WWP2: variants seen among roughly 807,000 people sequenced by gnomAD.
WWP2 encodes NEDD4-like E3 ubiquitin-protein ligase WWP2.
A neutral mutation model predicts 121.0 loss-of-function variants in WWP2; 57 were observed. That is an observed-to-expected ratio of 0.47 (90% confidence interval 0.38 to 0.59). The LOEUF (loss-of-function observed/expected upper bound fraction) is 0.59. WWP2 is among the 20% of genes least tolerant of loss of function. The pLI is 0.00. For missense variants in WWP2, 962 were observed against 1,158.9 expected (o/e 0.83, Z 2.47); for synonymous variants, 449 against 441.3 (o/e 1.02, Z -0.22).
At chr16:69,882,732 A>G (rs2057853699) in intron 7 of WWP2, among the ~76,000 whole-genome samples, 1 of 152,240 alleles carries the variant, frequency 6.6e-6, no homozygotes, top group African/African-American at 2.4e-5. Flanking sequence ...GAAGTAGTGA[A>G]AAATGCGGGA....
intron 8 of WWP2, among the ~76,000 whole-genome samples, chr16:69,902,124 C>T (rs1390218869): frequency 2.6e-5 from 4 of 152,240 alleles, no homozygotes; most frequent in South Asian, 2.1e-4. Flanking sequence ...ACTGTAACAA[C>T]GGGTAATTGA....
At chr16:69,931,991 A>G in intron 16 of WWP2, 101 bp downstream of exon 16, 1 of 1,161,598 alleles carries the variant, frequency 8.6e-7, no homozygotes, top group South Asian at 1.4e-5. Flanking sequence ...ATTCCCTCCC[A>G]AAGCTCTCAT....
intron 7 of WWP2, among the ~76,000 whole-genome samples, chr16:69,879,774 T>A (rs2057793142): frequency 1.3e-5 from 2 of 152,322 alleles, no homozygotes; most frequent in South Asian, 4.1e-4. Flanking sequence ...TAACATGTCA[T>A]GCCCATGCTA....
rs1233070559 is a variant in WWP2 at position 69,826,270 on chromosome 16, A to AAT, written c.341-13855_341-13854insTA. On this transcript the variant is annotated intron_variant, in intron 4 of 23. Coordinates refer to ENST00000359154, the MANE Select transcript of WWP2 (RefSeq NM_001270454.2). ...TGACAAGAGTGAAACTCCGTCTCAA[A>AAT]AAAAAAAAAAAAGTAGACCAGGCGC... 2.0e-5 allele frequency among the ~76,000 whole-genome samples: 3 copies of AAT among 147,310 alleles called. No homozygotes were observed. The Admixed American group carries it at 2.0e-4, about 10-fold the overall frequency.
intron 17 of WWP2, among the ~76,000 whole-genome samples, chr16:69,934,728 G>A (rs575174188): frequency 6.7e-6 from 1 of 150,282 alleles, no homozygotes; most frequent in African/African-American, 2.4e-5. Flanking sequence ...GCCCCCTCTT[G>A]ACAAGTCCTA....
chr16:69,809,772 G>C (rs2056352002), intron 4 of WWP2, among the ~76,000 whole-genome samples: 1 of 151,040 alleles, frequency 6.6e-6, no homozygotes, highest in Admixed American at 6.6e-5. Context: ...CCGTCAGAAA[G>C]AGAAAGAGAG....
rs377422202 is a variant in WWP2 at position 69,832,238 on chromosome 16, CA to C, written c.341-7887del. ...TGAAACATACACAGAGGTGGAAAAA[CA>C]GTCGATGAATCCCCACATGCCATTA... On this transcript the variant is annotated intron_variant, in intron 4 of 23. Transcript: ENST00000359154. Among the ~76,000 whole-genome samples, 79 of 152,248 alleles carry C rather than the reference CA, an allele frequency of 5.2e-4. 1 individual carries two copies. In the East Asian group the frequency reaches 0.014, roughly 27 times the overall value.
At chr16:69,797,555 T>C (rs2056073054) in intron 2 of WWP2, among the ~76,000 whole-genome samples, 1 of 152,126 alleles carries the variant, frequency 6.6e-6, no homozygotes, top group African/African-American at 2.4e-5. Context: ...TAATAAGTAC[T>C]CATAAAATCT....
intron 2 of WWP2, 59 bp downstream of exon 2, chr16:69,787,139 A>C: frequency 6.6e-7 from 1 of 1,505,780 alleles, no homozygotes; most frequent in African/African-American, 1.4e-5. Context: ...GGGAGAATCT[A>C]ACCACACCTT....
At chr16:69,828,069 CTT>C in intron 4 of WWP2, 1 of 314,578 alleles carries the variant, frequency 3.2e-6, no homozygotes, top group Non-Finnish European at 6.3e-6. Flanking sequence ...TGCATATGTA[CTT>C]TTTTTTTTAA....
chr16:69,821,797 A>G (rs2056597571), intron 4 of WWP2, among the ~76,000 whole-genome samples: 2 of 148,992 alleles, frequency 1.3e-5, no homozygotes, highest in South Asian at 2.1e-4. Context: ...GCCTCAAGCA[A>G]TCCTCCCATC....
chr16:69,797,616 C>T lies in WWP2; in HGVS notation c.71-1066C>T, dbSNP rs550787276. ...TTAAAATTTATAAATTGGCCAGGTG[C>T]GGTGGCTCACGCCTGTAATCCCAGC... is the stretch of plus-strand genomic sequence containing the variant. On this transcript the variant is annotated intron_variant, in intron 2 of 23. Coordinates refer to ENST00000359154, the MANE Select transcript of WWP2 (RefSeq NM_001270454.2). Among the ~76,000 whole-genome samples, 67 of 152,188 alleles carry T rather than the reference C, an allele frequency of 4.4e-4. 1 individual carries two copies. Among genetic ancestry groups the T allele is most frequent in the African/African-American group, 1.5e-3 (64 of 41,536 alleles).
intron 9 of WWP2, among the ~76,000 whole-genome samples, chr16:69,913,444 G>A (rs2058431177): frequency 6.6e-6 from 1 of 152,090 alleles, no homozygotes; most frequent in Non-Finnish European, 1.5e-5. Context: ...TGAGGCTGCA[G>A]TGAGCCGTGA....
chr16:69,812,398 C>G (rs2056409669), intron 4 of WWP2, among the ~76,000 whole-genome samples: 1 of 151,028 alleles, frequency 6.6e-6, no homozygotes, highest in African/African-American at 2.4e-5. Context: ...CTCTTGACCT[C>G]AGGTAACCTG....
intron 6 of WWP2, among the ~76,000 whole-genome samples, chr16:69,844,617 G>A (rs1672682363): frequency 6.6e-6 from 1 of 152,208 alleles, no homozygotes; most frequent in Admixed American, 6.5e-5. Flanking sequence ...TGTCATTGGT[G>A]TTGAGAATGA....
intron 4 of WWP2, among the ~76,000 whole-genome samples, chr16:69,823,464 CT>C (rs2056628830): frequency 6.6e-6 from 1 of 150,890 alleles, no homozygotes; most frequent in Non-Finnish European, 1.5e-5. Context: ...TAAATTTTCT[CT>C]TTTTCTTGTG....
At chr16:69,775,852 A>G (rs2055514955) in intron 1 of WWP2, among the ~76,000 whole-genome samples, 1 of 152,150 alleles carries the variant, frequency 6.6e-6, no homozygotes, top group Admixed American at 6.6e-5. Context: ...ATAGTCCATT[A>G]GTATTGTTAG....
In WWP2 at chr16:69,799,012, A is replaced by T; in HGVS notation, c.219-162A>T. 1 of 1,331,672 alleles carries T rather than the reference A, an allele frequency of 7.5e-7. No individual in the cohort carries two copies. The highest frequency in any genetic ancestry group is 1.0e-6 in the Non-Finnish European group (1 of 978,206). The allele number at this position is 1,331,672 out of a possible 1,614,324, so 82.5% of individuals were successfully genotyped here. On this transcript the variant is annotated intron_variant, in intron 3 of 23. Transcript: ENST00000359154. This position sits in a 1 kb window ranked among gnomAD's most constrained non-coding sequence, Gnocchi z 4.5. Reference sequence around the variant, plus strand: ...GCTCATAGAGCGTTCATTATTATCTAGAGGGTTACAGGGTCAGCTTTGAGA... The same window carrying T: ...GCTCATAGAGCGTTCATTATTATCTTGAGGGTTACAGGGTCAGCTTTGAGA...
intron 5 of WWP2, among the ~76,000 whole-genome samples, chr16:69,840,856 G>A (rs995427920): frequency 6.6e-6 from 1 of 152,202 alleles, no homozygotes; most frequent in Non-Finnish European, 1.5e-5. Context: ...CTCATTAAAT[G>A]TTTTGTTAGA....
Sources: allele counts gnomAD v4.1 joint callset (sites outside exome capture counted in the v4.1 genomes callset), GRCh38; gene constraint gnomAD v4.1.1; non-coding constraint Gnocchi (gnomAD v3.1); transcripts MANE v1.5; gene names NCBI Gene and HGNC (gene_info 2026-07-23, HGNC 2026-07-21).